CRLF3: variants seen among roughly 807,000 people sequenced by gnomAD.
The protein encoded by CRLF3 is cytokine receptor like factor 3, also known as cytokine receptor-like factor 3.
CRLF3 carries 33 observed loss-of-function variants against 55.0 expected under a neutral mutation model. That is an observed-to-expected ratio of 0.60 (90% CI 0.46 to 0.80). The LOEUF (loss-of-function observed/expected upper bound fraction) is 0.80. Among genes scored for constraint, CRLF3 ranks in the 30% least tolerant of loss-of-function variants. CRLF3 has a pLI of 0.00. For synonymous variants in CRLF3, 238 were observed against 196.8 expected, an observed-to-expected ratio of 1.21 and a Z score of -1.75; for missense variants, 494 against 538.4, an observed-to-expected ratio of 0.92 and a Z score of 0.82.
intron 1 of CRLF3, among the ~76,000 whole-genome samples, chr17:30,817,145 A>G (rs1025607828): frequency 6.6e-6 from 1 of 152,146 alleles, no homozygotes; most frequent in African/African-American, 2.4e-5. Flanking sequence ...TGTATTAAAA[A>G]TGAGGCTGTG....
At chr17:30,793,000 AT>A (rs1455985129) in intron 5 of CRLF3, among the ~76,000 whole-genome samples, 1 of 148,896 alleles carries the variant, frequency 6.7e-6, no homozygotes, top group East Asian at 2.0e-4. Flanking sequence ...CTAGAAAAAA[AT>A]AAAAAATTAG....
intron 2 of CRLF3, among the ~76,000 whole-genome samples, chr17:30,798,452 G>A (rs1416388065): frequency 1.3e-5 from 2 of 152,062 alleles, no homozygotes; most frequent in Admixed American, 1.3e-4. Flanking sequence ...CCACAGCCCT[G>A]AAGAACACTG....
chr17:30,817,296 G>A (rs1904836604), intron 1 of CRLF3, among the ~76,000 whole-genome samples: 2 of 151,992 alleles, frequency 1.3e-5, no homozygotes, highest in African/African-American at 4.8e-5. Flanking sequence ...AAATGAGCCG[G>A]GTGTGGTGGC....
At chr17:30,788,352 A>T (rs1397607485) in intron 6 of CRLF3, among the ~76,000 whole-genome samples, 1 of 148,742 alleles carries the variant, frequency 6.7e-6, no homozygotes, top group Non-Finnish European at 1.5e-5. Context: ...AAGAAAAGAA[A>T]AGAAAGAAGG....
chr17:30,788,427 T>C (rs1186240846), intron 6 of CRLF3, among the ~76,000 whole-genome samples: 1 of 149,364 alleles, frequency 6.7e-6, no homozygotes, highest in Non-Finnish European at 1.5e-5. Flanking sequence ...ACATAGGAAG[T>C]GAGGGAGACC....
chr17:30,822,055 C>G (rs779430102), intron 1 of CRLF3, among the ~76,000 whole-genome samples: 1 of 143,474 alleles, frequency 7.0e-6, no homozygotes, highest in African/African-American at 2.6e-5. Context: ...CCTGTCCGCA[C>G]CCCCGCCAAA....
chr17:30,785,640 G>A (rs1423535857), intron 7 of CRLF3, among the ~76,000 whole-genome samples: 1 of 146,752 alleles, frequency 6.8e-6, no homozygotes, highest in East Asian at 2.0e-4. Context: ...AAATTAGCCA[G>A]TCACAGTGGC....
intron 6 of CRLF3, chr17:30,787,574 C>G (rs1971677296): frequency 2.0e-5 from 3 of 151,762 alleles, no homozygotes; most frequent in Admixed American, 2.0e-4. Context: ...GTGGCTTTTC[C>G]AAAGACAGAT....
chr17:30,792,559 A>G lies in CRLF3; in HGVS notation c.840T>C (p.Gly280=). 1.3e-6 allele frequency: 2 copies of G among 1,599,708 alleles called. No homozygotes were observed. The highest frequency in any genetic ancestry group is 1.7e-6 in the Non-Finnish European group (2 of 1,168,386). The stretch of plus-strand genomic sequence containing the variant: ...GACTGCTCAGACTGTACCCCTCAAA[A>G]CCAGCTGTCCACTCTTTTTCAAAGC... ...STLVPHEWTA[G]FEGYSLSSRR... is the part of the protein sequence containing the mutation. The change falls in exon 6 of 8, where the codon GGT becomes GGC. Residue 280 remains glycine, a synonymous_variant. Coordinates refer to ENST00000324238, the MANE Select transcript of CRLF3 (RefSeq NM_015986.4).
In CRLF3 at chr17:30,784,113, A is replaced by T. The variant is rs2142236352; in HGVS notation, c.*74T>A. The T allele has an allele frequency of 1.3e-5, 17 of 1,314,704 alleles. No individual in the cohort carries two copies. The highest frequency in any genetic ancestry group is 1.6e-5 in the Non-Finnish European group (15 of 959,262). 81.4% of individuals were successfully genotyped at this position (1,314,704 alleles called of 1,614,324 possible). A position where few individuals can be genotyped will look rare whatever the true frequency, so the allele number is the denominator to read the frequency against. Reference sequence around the variant, plus strand: ...TAGAGATGAATTCAACTTTTTTTTTAAAGCAATTACAACTACGCTGGGCTG... The same window carrying T: ...TAGAGATGAATTCAACTTTTTTTTTTAAGCAATTACAACTACGCTGGGCTG... On this transcript the variant is annotated 3_prime_UTR_variant, in exon 8 of 8. Coordinates refer to ENST00000324238, the MANE Select transcript of CRLF3 (RefSeq NM_015986.4).
chr17:30,784,537 A>C, intron 7 of CRLF3, 94 bp from the exon 8 acceptor site: 1 of 1,145,418 alleles, frequency 8.7e-7, no homozygotes. Flanking sequence ...CTCATTTCCT[A>C]ATTCAGATTT....
chr17:30,813,763 ACAC>A (rs1377821271), intron 1 of CRLF3, among the ~76,000 whole-genome samples: 1 of 73,884 alleles, frequency 1.4e-5, no homozygotes, highest in Non-Finnish European at 2.8e-5. Context: ...CCCCCTCCCC[ACAC>A]CCAGTGCTAA....
intron 3 of CRLF3, 22 bp downstream of exon 3, chr17:30,797,288 CA>C: frequency 6.4e-7 from 1 of 1,565,906 alleles, no homozygotes; most frequent in Non-Finnish European, 8.8e-7. Context: ...AAAAGTAAGT[CA>C]AAAAGGCACA....
At chr17:30,785,800 A>C in intron 7 of CRLF3, 119 bp downstream of exon 7, 1 of 595,566 alleles carries the variant, frequency 1.7e-6, no homozygotes, top group Non-Finnish European at 2.9e-6. Flanking sequence ...AAAAAAAGAA[A>C]AAGAAAAATA....
At chr17:30,794,520 A>C (rs1971875172) in intron 4 of CRLF3, among the ~76,000 whole-genome samples, 1 of 152,200 alleles carries the variant, frequency 6.6e-6, no homozygotes, top group African/African-American at 2.4e-5. Context: ...CAACAAGGCC[A>C]GACATGATGG....
At chr17:30,789,260 A>C (rs963582712) in intron 6 of CRLF3, among the ~76,000 whole-genome samples, 5 of 152,196 alleles carry the variant, frequency 3.3e-5, no homozygotes, top group African/African-American at 1.2e-4. Flanking sequence ...ATTGAGACCT[A>C]ATGTGTCTTT....
At chr17:30,804,186 A>G (rs1972050834) in intron 1 of CRLF3, 78 bp from the exon 2 acceptor site, 1 of 942,400 alleles carries the variant, frequency 1.1e-6, no homozygotes, top group Non-Finnish European at 1.7e-6. Flanking sequence ...ACATGAATCT[A>G]AAAGCACTGT....
At chr17:30,807,219 C>A (rs2142264862) in intron 1 of CRLF3, among the ~76,000 whole-genome samples, 1 of 151,908 alleles carries the variant, frequency 6.6e-6, no homozygotes, top group Middle Eastern at 3.4e-3. Context: ...TGTTTACCAC[C>A]ATAACCCTTT....
At chr17:30,787,611 C>G (rs1295145389) in intron 6 of CRLF3, 1 of 152,052 alleles carries the variant, frequency 6.6e-6, no homozygotes, top group South Asian at 2.1e-4. Context: ...AATGTGGCCT[C>G]AAAATGTCAT....
Sources: gnomAD v4.1 joint callset for allele counts (sites outside exome capture counted in the v4.1 genomes callset) on GRCh38, gnomAD v4.1.1 for gene constraint, MANE v1.5 for transcripts, NCBI Gene and HGNC (gene_info 2026-07-23, HGNC 2026-07-21) for gene names.